The following LPIN1 variants were observed in gnomAD, a reference collection of about 807,000 sequenced individuals.
LPIN1 encodes the protein phosphatidate phosphatase LPIN1.
Under a neutral mutation model 107.5 loss-of-function variants are expected in LPIN1, and 71 were observed. That is an observed-to-expected ratio of 0.66 (90% CI 0.55 to 0.80). The LOEUF is 0.80. LPIN1 is among the 30% of genes least tolerant of loss of function. The probability of loss-of-function intolerance (pLI) is 0.00; values close to 1 mark genes in which losing one functional copy is unlikely to be tolerated. For synonymous variants in LPIN1, 445 were observed against 452.6 expected, an observed-to-expected ratio of 0.98 and a Z score of 0.21; for missense variants, 1,043 against 1,160.6, an observed-to-expected ratio of 0.90 and a Z score of 1.47.
At chr2:11,711,626 C>A (rs1223865105) in intron 1 of LPIN1, among the ~76,000 whole-genome samples, 1 of 152,180 alleles carries the variant, frequency 6.6e-6, no homozygotes, top group African/African-American at 2.4e-5. Context: ...CTTGAAAATT[C>A]CCTGTACTTC....
intron 2 of LPIN1, among the ~76,000 whole-genome samples, chr2:11,716,316 G>A (rs191204659): frequency 3.0e-4 from 45 of 152,170 alleles, no homozygotes; most frequent in South Asian, 1.2e-3. Flanking sequence ...TAAATTCCAG[G>A]AATGTTTAGT....
In LPIN1 at chr2:11,717,936, T is replaced by C. The variant is rs1293769392; in HGVS notation, c.138+4124T>C. On this transcript the variant is annotated intron_variant, in intron 2 of 21. Coordinates refer to the LPIN1 transcript ENST00000449576. ...TCTACAAGAAGTTGCTCTCTTTCAGTAGTTTCTAGTTCTTTCCATTGCTTC... is the reference window on the plus strand; with the variant it reads ...TCTACAAGAAGTTGCTCTCTTTCAGCAGTTTCTAGTTCTTTCCATTGCTTC... Among the ~76,000 whole-genome samples the C allele has an allele frequency of 2.0e-5, 3 of 152,306 alleles. No individual in the cohort carries two copies. The East Asian group carries it at 5.8e-4, about 29-fold the overall frequency.
intron 9 of LPIN1, chr2:11,784,341 G>A: frequency 1.3e-6 from 1 of 740,746 alleles, no homozygotes; most frequent in South Asian, 2.9e-5. Flanking sequence ...GAGAGAGGCA[G>A]TGGGAGGCTC....
intron 1 of LPIN1, chr2:11,764,074 G>GTA (rs1337586691): frequency 9.2e-5 from 7 of 75,700 alleles, no homozygotes; most frequent in African/African-American, 3.8e-4. Flanking sequence ...GTGTGTGTGT[G>GTA]TGTGTATATA....
Position 11,755,570 on chromosome 2 carries a change from C to T in LPIN1, c.-10+8899C>T, listed in dbSNP as rs185651831. On this transcript the variant is annotated intron_variant, in intron 1 of 20. Coordinates refer to ENST00000674199, the MANE Select transcript of LPIN1 (RefSeq NM_001349206.2). ...TGCCCTGGATGGCTGGGCTGGAGGG[C>T]TGAGGAGAAGGTTGAGGCTGAAAGA... 3.7e-4 allele frequency among the ~76,000 whole-genome samples: 56 copies of T among 152,020 alleles called. 1 individual carries two copies. Among genetic ancestry groups the T allele is most frequent in the African/African-American group, 1.2e-3 (50 of 41,436 alleles).
intron 1 of LPIN1, chr2:11,762,884 G>GGT (rs1246947180): frequency 6.6e-6 from 1 of 152,302 alleles, no homozygotes; most frequent in Non-Finnish European, 1.5e-5. Context: ...GGTGACCTGA[G>GGT]GTGGGGGTTT....
intron 17 of LPIN1, among the ~76,000 whole-genome samples, chr2:11,813,624 G>A (rs1209079300): frequency 6.6e-6 from 1 of 152,120 alleles, no homozygotes; most frequent in Non-Finnish European, 1.5e-5. Flanking sequence ...GTTAAAAAAA[G>A]TGAAATGGGG....
upstream of LPIN1, among the ~76,000 whole-genome samples, chr2:11,744,138 T>C: frequency 6.6e-6 from 1 of 152,258 alleles, no homozygotes; most frequent in Non-Finnish European, 1.5e-5. Context: ...AAGGCATTAC[T>C]CAGCCCCTCC....
chr2:11,811,862 G>T (rs1679713703), intron 17 of LPIN1, among the ~76,000 whole-genome samples: 1 of 152,142 alleles, frequency 6.6e-6, no homozygotes, highest in African/African-American at 2.4e-5. Context: ...GTGCATGCCT[G>T]TAGTCCCAGC....
At chr2:11,767,920 G>A in intron 3 of LPIN1, 62 bp downstream of exon 3, 1 of 1,049,588 alleles carries the variant, frequency 9.5e-7, no homozygotes, top group Admixed American at 1.7e-5. Flanking sequence ...ATGGTTATCT[G>A]GAAACACGGC....
intron 1 of LPIN1, among the ~76,000 whole-genome samples, chr2:11,693,686 C>T (rs1340433047): frequency 6.6e-6 from 1 of 150,660 alleles, no homozygotes; most frequent in African/African-American, 2.5e-5. Context: ...ATGATATTTG[C>T]TGTACCTCCC....
At chr2:11,738,738 C>T (rs1489326812) in intron 1 of LPIN1, among the ~76,000 whole-genome samples, 4 of 152,096 alleles carry the variant, frequency 2.6e-5, no homozygotes, top group Non-Finnish European at 4.4e-5. Context: ...TGTGGGCTTC[C>T]GGGAGGCCAA....
At chr2:11,691,133 A>G (rs1384584948) in intron 1 of LPIN1, among the ~76,000 whole-genome samples, 1 of 134,728 alleles carries the variant, frequency 7.4e-6, no homozygotes, top group Non-Finnish European at 1.5e-5. Flanking sequence ...ACCAACTCCT[A>G]GTCCTTTGTT....
chr2:11,767,552 T>G, intron 2 of LPIN1: 1 of 599,170 alleles, frequency 1.7e-6, no homozygotes, highest in South Asian at 2.0e-5. Context: ...CCATCTTTCC[T>G]GGTCAGGGAC....
At chr2:11,693,812 ATATATATATATTTTTTTTT>A (rs1662417622) in intron 1 of LPIN1, among the ~76,000 whole-genome samples, 1 of 31,354 alleles carries the variant, frequency 3.2e-5, no homozygotes, top group South Asian at 2.8e-3. Context: ...ATATATATAT[ATATATATATATTTTTTTTT>A]TTTTTTTTTT....
chr2:11,760,287 G>A (rs1336212475), intron 1 of LPIN1, among the ~76,000 whole-genome samples: 2 of 152,250 alleles, frequency 1.3e-5, no homozygotes, highest in Admixed American at 6.5e-5. Context: ...GGTGGCAGCC[G>A]GGCAGAGGCT....
intron 17 of LPIN1, among the ~76,000 whole-genome samples, chr2:11,807,710 C>A (rs1678954265): frequency 1.3e-5 from 2 of 152,154 alleles, no homozygotes; most frequent in Admixed American, 1.3e-4. Context: ...AGACCCAAAC[C>A]TTTGCCTGCT....
chr2:11,730,468 G>A (rs1665081764), intron 1 of LPIN1, among the ~76,000 whole-genome samples: 1 of 152,168 alleles, frequency 6.6e-6, no homozygotes, highest in Non-Finnish European at 1.5e-5. Context: ...CTTTTAAAAA[G>A]TCCATGTCTG....
At chr2:11,748,758 A>T (rs1416641587) in intron 1 of LPIN1, among the ~76,000 whole-genome samples, 1 of 152,148 alleles carries the variant, frequency 6.6e-6, no homozygotes, top group African/African-American at 2.4e-5. Context: ...AATGAGGTTA[A>T]TTGATTTGGG....
Sources: allele counts gnomAD v4.1 joint callset (sites outside exome capture counted in the v4.1 genomes callset), GRCh38; gene constraint gnomAD v4.1.1; transcripts MANE v1.5; gene names NCBI Gene and HGNC (gene_info 2026-07-23, HGNC 2026-07-21).